The following ASPH variants were observed in gnomAD, a reference collection of about 807,000 sequenced individuals.
The protein encoded by ASPH is aspartyl/asparaginyl beta-hydroxylase.
ASPH carries 100 observed loss-of-function variants against 118.4 expected under a neutral mutation model. The observed-to-expected ratio is 0.84, with a 90% CI of 0.72 to 1.00. ASPH has a LOEUF of 1.00. Ranked by LOEUF, ASPH falls within the 50% of genes least tolerant of loss-of-function variation. The probability of loss-of-function intolerance (pLI) is 0.00; values close to 1 mark genes in which losing one functional copy is unlikely to be tolerated. For synonymous variants in ASPH, 315 were observed against 325.6 expected (o/e 0.97, Z 0.35); for missense variants, 920 against 919.5 (o/e 1.00, Z -0.01).
chr8:61,516,197 C>G (rs1435947175), intron 24 of ASPH, among the ~76,000 whole-genome samples: 3 of 152,170 alleles, frequency 2.0e-5, no homozygotes, highest in Non-Finnish European at 4.4e-5. Flanking sequence ...ATGTCCGAAT[C>G]CTTCTTGTCT....
chr8:61,514,518 G>C (rs1049277563), intron 24 of ASPH, among the ~76,000 whole-genome samples: 18 of 152,000 alleles, frequency 1.2e-4, no homozygotes, highest in Non-Finnish European at 2.4e-4. Flanking sequence ...GACCATCCTG[G>C]CTAACACGGT....
intron 14 of ASPH, among the ~76,000 whole-genome samples, chr8:61,586,108 C>T (rs544876029): frequency 6.6e-6 from 1 of 152,130 alleles, no homozygotes; most frequent in East Asian, 1.9e-4. Flanking sequence ...CCTAGATGAT[C>T]CCTTTCCTTG....
At chr8:61,683,913 C>G in intron 2 of ASPH, 126 bp downstream of exon 2, 1 of 1,118,096 alleles carries the variant, frequency 8.9e-7, no homozygotes, top group South Asian at 1.7e-5. Flanking sequence ...CAGCCTCACT[C>G]TATTGAGAAC....
chr8:61,529,930 C>T (rs1816938028), intron 21 of ASPH, among the ~76,000 whole-genome samples: 1 of 152,190 alleles, frequency 6.6e-6, no homozygotes, highest in South Asian at 2.1e-4. Context: ...TCACCCAAAG[C>T]CCCACCTCTT....
intron 3 of ASPH, chr8:61,663,282 CA>C: frequency 1.0e-6 from 1 of 985,278 alleles, no homozygotes; most frequent in South Asian, 4.7e-5. Context: ...GCTTTGTGCA[CA>C]GGTGTGCGCC....
intron 14 of ASPH, among the ~76,000 whole-genome samples, chr8:61,607,632 AAAAC>A (rs1221726425): frequency 6.6e-6 from 1 of 152,186 alleles, no homozygotes; most frequent in Non-Finnish European, 1.5e-5. Flanking sequence ...AGGAAAAAAA[AAAAC>A]AACATTCTTT....
intron 5 of ASPH, among the ~76,000 whole-genome samples, chr8:61,649,052 C>A (rs1029456647): frequency 3.3e-5 from 5 of 152,100 alleles, no homozygotes; most frequent in Admixed American, 1.3e-4. Flanking sequence ...TGGGATCAGA[C>A]AAGGCACAAC....
rs570839270 is a variant in ASPH, at chr8:61,540,710, A to G, written c.1764+7361T>C. ...TCAACCAAAGGGGAAAACACATATG[A>G]TGCATTTTACTGAGCACTGTCCCCT... On this transcript the variant is annotated intron_variant, in intron 21 of 24. Coordinates refer to ENST00000379454, the MANE Select transcript of ASPH (RefSeq NM_004318.4). 2.6e-5 allele frequency among the ~76,000 whole-genome samples: 4 copies of G among 152,250 alleles called. No homozygotes were observed. The East Asian group carries it at 7.7e-4, about 29-fold the overall frequency.
intron 21 of ASPH, among the ~76,000 whole-genome samples, chr8:61,542,665 G>A (rs1438217537): frequency 6.6e-6 from 1 of 151,966 alleles, no homozygotes; most frequent in Non-Finnish European, 1.5e-5. Flanking sequence ...TCCCTTTTAT[G>A]TTTACCCACT....
chr8:61,712,020 T>C (rs1044852202), intron 1 of ASPH, among the ~76,000 whole-genome samples: 8 of 152,178 alleles, frequency 5.3e-5, no homozygotes, highest in African/African-American at 1.9e-4. Flanking sequence ...AATTCAAGCA[T>C]GGCAAAATGA....
intron 1 of ASPH, among the ~76,000 whole-genome samples, chr8:61,708,220 T>A (rs935674367): frequency 2.6e-5 from 4 of 152,160 alleles, no homozygotes; most frequent in Non-Finnish European, 4.4e-5. Context: ...TAAAGAGCAA[T>A]ACACAGAAAT....
At chr8:61,645,125 T>C (rs1229222730) in intron 6 of ASPH, among the ~76,000 whole-genome samples, 1 of 152,222 alleles carries the variant, frequency 6.6e-6, no homozygotes, top group African/African-American at 2.4e-5. Context: ...GAGCTATCTG[T>C]CCGTCACCAC....
chr8:61,695,025 C>G (rs973810503), intron 1 of ASPH, among the ~76,000 whole-genome samples: 7 of 152,174 alleles, frequency 4.6e-5, no homozygotes, highest in African/African-American at 1.7e-4. Flanking sequence ...TACAACGAGG[C>G]CAAGATATGG....
intron 1 of ASPH, among the ~76,000 whole-genome samples, chr8:61,706,621 T>C (rs1002795199): frequency 6.6e-6 from 1 of 152,130 alleles, no homozygotes; most frequent in Non-Finnish European, 1.5e-5. Flanking sequence ...CCAGTAAAAA[T>C]TCTCAAATAT....
intron 2 of ASPH, among the ~76,000 whole-genome samples, chr8:61,682,071 G>A (rs1179472721): frequency 6.6e-6 from 1 of 151,844 alleles, no homozygotes; most frequent in Non-Finnish European, 1.5e-5. Flanking sequence ...CAGAAATTTT[G>A]GCTCAGATTA....
At chr8:61,507,633 C>T (rs189562928) in intron 24 of ASPH, among the ~76,000 whole-genome samples, 2 of 136,834 alleles carry the variant, frequency 1.5e-5, no homozygotes, top group African/African-American at 5.5e-5. Context: ...AGGTTAAATT[C>T]GAGATGTATC....
chr8:61,709,862 T>C (rs1837656190), intron 1 of ASPH, among the ~76,000 whole-genome samples: 1 of 152,206 alleles, frequency 6.6e-6, no homozygotes, highest in African/African-American at 2.4e-5. Flanking sequence ...GATGTGCAAA[T>C]GGATACTTAC....
intron 17 of ASPH, among the ~76,000 whole-genome samples, chr8:61,563,666 C>T (rs898839798): frequency 9.2e-5 from 14 of 152,204 alleles, no homozygotes; most frequent in Admixed American, 8.5e-4. Flanking sequence ...CCAACTCATC[C>T]GACGGCCTAT....
intron 24 of ASPH, among the ~76,000 whole-genome samples, chr8:61,512,437 A>G (rs766036019): frequency 2.6e-5 from 4 of 152,218 alleles, no homozygotes; most frequent in Non-Finnish European, 4.4e-5. Context: ...TCTATAAACC[A>G]AAGAACACCA....
Sources: allele counts gnomAD v4.1 joint callset (sites outside exome capture counted in the v4.1 genomes callset), GRCh38; gene constraint gnomAD v4.1.1; transcripts MANE v1.5; gene names NCBI Gene and HGNC (gene_info 2026-07-23, HGNC 2026-07-21).